Variants in DSG2 observed in about 807,000 individuals in gnomAD.
DSG2 encodes the protein desmoglein-2.
DSG2 carries 45 observed loss-of-function variants against 75.6 expected under a neutral mutation model. The ratio of observed to expected loss-of-function variants is 0.60; its 90% confidence interval spans 0.47 to 0.76. The LOEUF (loss-of-function observed/expected upper bound fraction) is 0.76. Ranked by LOEUF, DSG2 falls within the 30% of genes least tolerant of loss-of-function variation. The pLI is 0.00. For missense variants in DSG2, 1,267 were observed against 1,357.4 expected (o/e 0.93, Z 1.05); for synonymous variants, 429 against 483.9 (o/e 0.89, Z 1.49).
intron 11 of DSG2, among the ~76,000 whole-genome samples, chr18:31,537,271 G>A (rs866785846): frequency 6.6e-6 from 1 of 152,106 alleles, no homozygotes; most frequent in Non-Finnish European, 1.5e-5. Context: ...ATTTCAAACT[G>A]TATTTACAGA....
chr18:31,524,982 C>A, intron 8 of DSG2, 94 bp downstream of exon 8: 2 of 1,183,906 alleles, frequency 1.7e-6, no homozygotes, highest in Non-Finnish European at 2.5e-6. Flanking sequence ...AAGTGCTTTA[C>A]ATATTCAATT....
rs1598827838 is a variant in DSG2, at chr18:31,546,704, A to C, written c.3318A>C (p.Arg1106Ser). The C allele has an allele frequency of 1.9e-6, 3 of 1,614,226 alleles. No homozygotes were observed. Among genetic ancestry groups the C allele is most frequent in the Non-Finnish European group, 1.7e-6 (2 of 1,180,036 alleles). The change falls in exon 15 of 15, where the codon AGA becomes AGC. Residue 1106 changes from arginine (R) to serine (S), a missense_variant. Transcript: ENST00000261590. ...CTACCATAACCACATCTTCCACCAG[A>C]GTTACCAAGCATAGCACTGTACAGC... ...SNSTITTSST[R>S]VTKHSTVQHS...
intron 9 of DSG2, among the ~76,000 whole-genome samples, chr18:31,534,720 G>A (rs2144338709): frequency 6.6e-6 from 1 of 152,184 alleles, no homozygotes; most frequent in South Asian, 2.1e-4. Context: ...ATGTTGACCA[G>A]GCTGGTCTCA....
Position 31,546,854 on chromosome 18 carries a change from A to T in DSG2, c.*111A>T, listed in dbSNP as rs2073316113. ...TACAGACACACAGAGACACATACAC[A>T]TTGATCTTAAAATTTTTCTCAGTCA... is the stretch of plus-strand genomic sequence containing the variant. On this transcript the variant is annotated 3_prime_UTR_variant, in exon 15 of 15. Coordinates refer to ENST00000261590, the MANE Select transcript of DSG2 (RefSeq NM_001943.5). 8.2e-7 allele frequency: 1 copy of T among 1,215,202 alleles called. No individual in the cohort carries two copies. Among genetic ancestry groups the T allele is most frequent in the African/African-American group, 1.5e-5 (1 of 66,150 alleles). The allele number at this position is 1,215,202 out of a possible 1,614,324, so 75.3% of individuals were successfully genotyped here.
At chr18:31,536,736 A>G (rs976054348) in intron 11 of DSG2, among the ~76,000 whole-genome samples, 9 of 152,218 alleles carry the variant, frequency 5.9e-5, no homozygotes, top group Admixed American at 1.3e-4. Context: ...TGCCTTCTAA[A>G]AATCTTGTAG....
At chr18:31,537,730 A>G (rs952595899) in intron 11 of DSG2, among the ~76,000 whole-genome samples, 11 of 152,112 alleles carry the variant, frequency 7.2e-5, no homozygotes, top group African/African-American at 2.7e-4. Flanking sequence ...GAAGCCGGGC[A>G]TGGTAGCTCA....
rs1000253943 is a variant in DSG2 at position 31,545,890 on chromosome 18, C to T, written c.2504C>T (p.Thr835Ile). Residue 835 changes from threonine (T) to isoleucine (I), a missense_variant, in exon 15 of 15, where the codon ACA becomes ATA. Physicochemically the swap from Thr to Ile is moderately conservative, Grantham distance 89. Transcript: ENST00000261590. ...FLDDLGLKFK[T>I]LAEVCLGQKI... ...GATGATTTGGGACTTAAATTCAAGACACTAGCTGAAGTTTGCCTGGGTCAA... is the reference window on the plus strand; with the variant it reads ...GATGATTTGGGACTTAAATTCAAGATACTAGCTGAAGTTTGCCTGGGTCAA... 7 of 1,613,974 alleles carry T rather than the reference C, an allele frequency of 4.3e-6. No individual in the cohort carries two copies. The African/African-American group carries it at 5.3e-5, about 12-fold the overall frequency.
chr18:31,505,428 C>G (rs1378397222), intron 1 of DSG2, among the ~76,000 whole-genome samples: 2 of 152,154 alleles, frequency 1.3e-5, no homozygotes, highest in Admixed American at 6.5e-5. Context: ...TTAAGGTTTC[C>G]TACCTCATAG....
rs1329700123 is a variant in DSG2 at position 31,542,548 on chromosome 18, A to G, written c.2030A>G (p.Gln677Arg). The change falls in exon 14 of 15, where the codon CAA becomes CGA. Residue 677 changes from glutamine to arginine, a missense_variant. Gln to Arg is a conservative substitution (Grantham distance 43). Transcript: ENST00000261590. The stretch of plus-strand genomic sequence containing the variant: ...GTGCCATCATTTCTGCCAGTGGATC[A>G]AGGGGGCAGTCTAGTAGGAAGAAAT... The part of the protein sequence containing the change: ...KVVPSFLPVD[Q>R]GGSLVGRNGV... 1 of 1,614,060 alleles carries G rather than the reference A, an allele frequency of 6.2e-7. No homozygotes were observed. Among genetic ancestry groups the G allele is most frequent in the South Asian group, 1.1e-5 (1 of 91,066 alleles).
intron 1 of DSG2, among the ~76,000 whole-genome samples, chr18:31,510,025 A>G (rs1334403564): frequency 1.3e-5 from 2 of 152,222 alleles, no homozygotes. Flanking sequence ...CTTCTATACA[A>G]TAAAAGGGAG....
chr18:31,499,173 TATA>T (rs2073000942), intron 1 of DSG2, among the ~76,000 whole-genome samples: 1 of 152,214 alleles, frequency 6.6e-6, no homozygotes, highest in Non-Finnish European at 1.5e-5. Flanking sequence ...ATGCTGCAAA[TATA>T]GGTGTGAGTT....
chr18:31,541,346 T>G (rs775868466), intron 13 of DSG2, 32 bp downstream of exon 13: 63 of 1,612,810 alleles, frequency 3.9e-5, no homozygotes, highest in South Asian at 1.1e-4. Flanking sequence ...ATGACTTGTC[T>G]TCTTCTTGGG....
chr18:31,544,916 GTCCCCC>G (rs2144357395), intron 14 of DSG2, among the ~76,000 whole-genome samples: 1 of 152,244 alleles, frequency 6.6e-6, no homozygotes, highest in South Asian at 2.1e-4. Context: ...AGTTACTTCT[GTCCCCC>G]TCTTCTAAAT....
chr18:31,541,895 A>G (rs1451345796), intron 13 of DSG2, among the ~76,000 whole-genome samples: 1 of 152,194 alleles, frequency 6.6e-6, no homozygotes, highest in East Asian at 1.9e-4. Context: ...GATCAACATG[A>G]TGATTCATCC....
intron 1 of DSG2, among the ~76,000 whole-genome samples, chr18:31,505,673 T>C (rs1291517152): frequency 2.1e-5 from 3 of 143,998 alleles, no homozygotes; most frequent in Non-Finnish European, 4.6e-5. Context: ...TTTTTTTTTC[T>C]TTTTTTTGAG....
intron 1 of DSG2, among the ~76,000 whole-genome samples, chr18:31,505,696 T>C (rs2073035927): frequency 6.6e-6 from 1 of 150,572 alleles, no homozygotes; most frequent in South Asian, 2.1e-4. Flanking sequence ...GGAGTCTCTC[T>C]CTTTCACCAG....
chr18:31,539,016 A>G, intron 12 of DSG2, 38 bp downstream of exon 12: 1 of 1,573,074 alleles, frequency 6.4e-7, no homozygotes, highest in Non-Finnish European at 8.7e-7. Context: ...GCTTTTGGGA[A>G]TCTGAGTGCA....
intron 1 of DSG2, among the ~76,000 whole-genome samples, chr18:31,502,274 A>G (rs2144284618): frequency 6.6e-6 from 1 of 152,340 alleles, no homozygotes; most frequent in South Asian, 2.1e-4. Flanking sequence ...TCACTACAAT[A>G]TAAATATGTA....
intron 1 of DSG2, among the ~76,000 whole-genome samples, chr18:31,509,449 C>T (rs2073055681): frequency 6.7e-6 from 1 of 149,896 alleles, no homozygotes; most frequent in African/African-American, 2.5e-5. Flanking sequence ...TTTAAATTAG[C>T]AATTGTGAAA....
Sources: allele counts gnomAD v4.1 joint callset (sites outside exome capture counted in the v4.1 genomes callset), GRCh38; gene constraint gnomAD v4.1.1; transcripts MANE v1.5; gene names NCBI Gene and HGNC (gene_info 2026-07-23, HGNC 2026-07-21).